The following FOXN3 variants were observed in gnomAD, a reference collection of about 807,000 sequenced individuals.
FOXN3 encodes the protein forkhead box protein N3.
FOXN3 carries 7 observed loss-of-function variants against 38.4 expected under a neutral mutation model. The observed-to-expected ratio is 0.18, with a 90% CI of 0.10 to 0.34. FOXN3 has a LOEUF of 0.34. FOXN3 is among the 10% of genes least tolerant of loss of function. FOXN3 has a pLI of 1.00. For missense variants in FOXN3, 456 were observed against 613.4 expected, an observed-to-expected ratio of 0.74 and a Z score of 2.71; for synonymous variants, 230 against 242.2, an observed-to-expected ratio of 0.95 and a Z score of 0.47.
chr14:89,433,652 A>C (rs1892212069), intron 1 of FOXN3, among the ~76,000 whole-genome samples: 1 of 151,796 alleles, frequency 6.6e-6, no homozygotes, highest in South Asian at 2.1e-4. Flanking sequence ...AAAATACAAA[A>C]AATTAGCCAG....
intron 1 of FOXN3, among the ~76,000 whole-genome samples, chr14:89,508,181 A>T (rs1386690912): frequency 6.6e-6 from 1 of 152,174 alleles, no homozygotes; most frequent in African/African-American, 2.4e-5. Flanking sequence ...AGCCTTCCGC[A>T]TCTGGAACCA....
At chr14:89,241,996 T>C (rs990466210) in intron 4 of FOXN3, among the ~76,000 whole-genome samples, 6 of 152,198 alleles carry the variant, frequency 3.9e-5, no homozygotes, top group Non-Finnish European at 8.8e-5. Flanking sequence ...TCACATGCTT[T>C]CAGTGACTCC....
intron 1 of FOXN3, among the ~76,000 whole-genome samples, chr14:89,595,849 T>C (rs1030058864): frequency 1.3e-5 from 2 of 152,202 alleles, no homozygotes; most frequent in Non-Finnish European, 2.9e-5. Flanking sequence ...TTTTTGTATA[T>C]ATGCTTCTTA....
chr14:89,275,504 G>T (rs1438979681), intron 4 of FOXN3, among the ~76,000 whole-genome samples: 1 of 152,152 alleles, frequency 6.6e-6, no homozygotes, highest in Non-Finnish European at 1.5e-5. Context: ...CCAAGTGAAG[G>T]GTTGAGACCA....
At chr14:89,314,556 A>G (rs1314410112) in intron 3 of FOXN3, among the ~76,000 whole-genome samples, 2 of 152,230 alleles carry the variant, frequency 1.3e-5, no homozygotes, top group Non-Finnish European at 2.9e-5. Flanking sequence ...AGATACTTTT[A>G]GAAAATTCCT....
intron 1 of FOXN3, among the ~76,000 whole-genome samples, chr14:89,497,841 C>T (rs1214362847): frequency 2.0e-5 from 3 of 152,164 alleles, no homozygotes; most frequent in African/African-American, 7.2e-5. Flanking sequence ...AGTTGTACCA[C>T]TTTACATTCC....
In FOXN3 at chr14:89,199,363, T is replaced by G. The variant is rs79770101; in HGVS notation, c.746-18557A>C. Among the ~76,000 whole-genome samples, 1,347 of 152,198 alleles carry G rather than the reference T, an allele frequency of 8.9e-3. 18 individuals are homozygous for G. Among genetic ancestry groups the G allele is most frequent in the African/African-American group, 0.031 (1,274 of 41,512 alleles). On this transcript the variant is annotated intron_variant, in intron 4 of 5. Transcript: ENST00000557258. ...ATCTCCCACTAAGTTGGACACCAAG[T>G]TGTGATTTTACGCATCATCTTTAGG...
In FOXN3 at chr14:89,260,441, A is replaced by G. The variant is rs114711276; in HGVS notation, c.745+20509T>C. Among the ~76,000 whole-genome samples the G allele has an allele frequency of 7.6e-3, 1,165 of 152,340 alleles. 14 individuals carry two copies. Among genetic ancestry groups the G allele is most frequent in the African/African-American group, 0.027 (1,105 of 41,580 alleles). ...TGTGCTCCCGGCAATCAGCAAGAAAAGAGGGGCTCTCTCTTCTTAGCACTA... is the reference window on the plus strand; with the variant it reads ...TGTGCTCCCGGCAATCAGCAAGAAAGGAGGGGCTCTCTCTTCTTAGCACTA... On this transcript the variant is annotated intron_variant, in intron 4 of 5. Transcript: ENST00000557258.
intron 3 of FOXN3, among the ~76,000 whole-genome samples, chr14:89,327,418 G>A (rs1193566586): frequency 1.3e-5 from 2 of 152,186 alleles, no homozygotes; most frequent in African/African-American, 4.8e-5. Context: ...TGACAAGTAT[G>A]CGACAAGGTT....
chr14:89,258,555 C>T (rs1885697694), intron 4 of FOXN3, among the ~76,000 whole-genome samples: 1 of 152,246 alleles, frequency 6.6e-6, no homozygotes, highest in African/African-American at 2.4e-5. Flanking sequence ...GTGATACCAC[C>T]TGGACCACCT....
chr14:89,368,344 A>C (rs981958470), intron 2 of FOXN3, among the ~76,000 whole-genome samples: 1 of 141,480 alleles, frequency 7.1e-6, no homozygotes, highest in African/African-American at 2.7e-5. Context: ...AAAAAAAAAA[A>C]AGAACACCGA....
At chr14:89,215,836 C>A (rs1023925029) in intron 4 of FOXN3, among the ~76,000 whole-genome samples, 2 of 152,148 alleles carry the variant, frequency 1.3e-5, no homozygotes, top group African/African-American at 4.8e-5. Flanking sequence ...TGATGACTTG[C>A]TATCTTAAAA....
chr14:89,192,335 T>C (rs973425621), intron 4 of FOXN3, among the ~76,000 whole-genome samples: 5 of 146,134 alleles, frequency 3.4e-5, no homozygotes, highest in African/African-American at 1.2e-4. Context: ...ATAAAATATA[T>C]AGTTATATGT....
chr14:89,569,572 C>T (rs1011375296), intron 1 of FOXN3, among the ~76,000 whole-genome samples: 4 of 152,204 alleles, frequency 2.6e-5, no homozygotes, highest in African/African-American at 9.6e-5. Context: ...AGATAATCAA[C>T]CTCAAAGAAA....
chr14:89,598,262 A>G (rs950975657), intron 1 of FOXN3, among the ~76,000 whole-genome samples: 10 of 152,142 alleles, frequency 6.6e-5, no homozygotes, highest in Non-Finnish European at 1.3e-4. Flanking sequence ...ACAAAACATA[A>G]TAATTATTAT....
chr14:89,339,635 C>T (rs1888559943), intron 3 of FOXN3, among the ~76,000 whole-genome samples: 1 of 152,228 alleles, frequency 6.6e-6, no homozygotes, highest in Non-Finnish European at 1.5e-5. Flanking sequence ...CGGGCAGGAT[C>T]GGGCAGGCGG....
At chr14:89,339,684 G>A (rs1382280624) in intron 3 of FOXN3, among the ~76,000 whole-genome samples, 1 of 152,234 alleles carries the variant, frequency 6.6e-6, no homozygotes, top group African/African-American at 2.4e-5. Context: ...CAGACTGTGG[G>A]ATCTTTTTCA....
chr14:89,431,578 T>C (rs372544635), intron 1 of FOXN3, among the ~76,000 whole-genome samples: 167 of 152,362 alleles, frequency 1.1e-3, no homozygotes, highest in African/African-American at 3.9e-3. Flanking sequence ...GTGCAAGAGT[T>C]CTTGCAGCTG....
intron 1 of FOXN3, among the ~76,000 whole-genome samples, chr14:89,526,100 C>A (rs1285324458): frequency 1.4e-5 from 2 of 138,404 alleles, no homozygotes; most frequent in Non-Finnish European, 3.2e-5. Flanking sequence ...TGTTATCAAA[C>A]TAGGAATAGA....
Sources: gnomAD v4.1 joint callset for allele counts (sites outside exome capture counted in the v4.1 genomes callset) on GRCh38, gnomAD v4.1.1 for gene constraint, MANE v1.5 for transcripts, NCBI Gene and HGNC (gene_info 2026-07-23, HGNC 2026-07-21) for gene names.